Variants in FOXI2 observed in about 807,000 individuals in gnomAD.
FOXI2 encodes the protein forkhead box protein I2.
A neutral mutation model predicts 14.3 loss-of-function variants in FOXI2; 17 were observed. That is an observed-to-expected ratio of 1.19 (90% CI 0.81 to 1.78). The LOEUF (loss-of-function observed/expected upper bound fraction) is 1.78, where lower values mean the gene tolerates loss of function less well. Ranked by LOEUF, FOXI2 falls within the 40% of genes most tolerant of loss-of-function variation. The pLI, the probability that FOXI2 is intolerant of heterozygous loss-of-function variation, is 0.00. For synonymous variants in FOXI2, 240 were observed against 218.8 expected, an observed-to-expected ratio of 1.10 and a Z score of -0.85; for missense variants, 541 against 460.0, an observed-to-expected ratio of 1.18 and a Z score of -1.61.
At chr10:127,738,391 T>G in intron 1 of FOXI2, 129 bp from the exon 2 acceptor site, 1 of 676,946 alleles carries the variant, frequency 1.5e-6, no homozygotes, top group Non-Finnish European at 2.5e-6. Context: ...AAGGGTGGAA[T>G]GGGGGCGAGG....
intron 1 of FOXI2, 64 bp downstream of exon 1, chr10:127,737,848 C>G: frequency 1.3e-6 from 2 of 1,561,652 alleles, no homozygotes; most frequent in Non-Finnish European, 1.7e-6. Context: ...GCCGCGGGCA[C>G]TCCGGGGGTG....
rs1180563975 is a variant in FOXI2 at position 127,738,871 on chromosome 10, A to G, written c.863A>G (p.Asn288Ser). ...GCCACCCACGCTCCCCAGACCCTTA[A>G]CCCCTCCCCTGGCTTCGCCCCTGGC... ...TVATHAPQTL[N>S]PSPGFAPGHQ... The change falls in exon 2 of 2, where the codon AAC becomes AGC. Residue 288 changes from asparagine (N) to serine (S), a missense_variant. Coordinates refer to ENST00000388920, the MANE Select transcript of FOXI2 (RefSeq NM_207426.3). The G allele has an allele frequency of 1.9e-6, 3 of 1,606,358 alleles. No homozygotes were observed. Among genetic ancestry groups the G allele is most frequent in the Non-Finnish European group, 2.5e-6 (3 of 1,179,000 alleles).
chr10:127,737,253 C>T lies in FOXI2; in HGVS notation c.-21C>T. The T allele has an allele frequency of 6.8e-7, 1 of 1,470,950 alleles. No homozygotes were observed. Among genetic ancestry groups the T allele is most frequent in the Non-Finnish European group, 8.9e-7 (1 of 1,121,588 alleles). 91.1% of individuals were successfully genotyped at this position (1,470,950 alleles called of 1,614,324 possible). ...GAGTTTCGGTGCGGCACCGCTGGCC[C>T]AGGCCCGGGCGCGGCTGGACATGGC... On this transcript the variant is annotated 5_prime_UTR_variant, in exon 1 of 2. Transcript: ENST00000388920.
rs1564748179 is a variant in FOXI2, at chr10:127,737,623, GC to G, written c.351del (p.Ser117ArgfsTer7). 7.0e-6 allele frequency: 11 copies of G among 1,563,634 alleles called. No individual in the cohort carries two copies. Among genetic ancestry groups the G allele is most frequent in the Non-Finnish European group, 9.5e-6 (11 of 1,154,524 alleles). On this transcript the variant is annotated frameshift_variant, in exon 1 of 2. Transcript: ENST00000388920. LOFTEE classifies it high-confidence loss of function. ...GCGCTCATCGCCATGGCCATCCAGAGCGCGCCGCTGCGGAAGCTGACGCTCA... is the reference window on the plus strand; with the variant it reads ...GCGCTCATCGCCATGGCCATCCAGAGGCGCCGCTGCGGAAGCTGACGCTCA... ...YSALIAMAIQ[S>X]APLRKLTLSQ... is the part of the protein sequence containing the mutation.
chr10:127,739,893 C>CCA lies in FOXI2; in HGVS notation c.*932_*933dup, dbSNP rs1350251800. 1.5e-5 allele frequency: 1 copy of CCA among 67,798 alleles called. No homozygotes were observed. Among genetic ancestry groups the CCA allele is most frequent in the Admixed American group, 1.8e-4 (1 of 5,522 alleles). 4.2% of individuals were successfully genotyped at this position (67,798 alleles called of 1,614,324 possible). A position where few individuals can be genotyped will look rare whatever the true frequency, so the allele number is the denominator to read the frequency against. Reference sequence around the variant, plus strand: ...CCCACACTCACACCCACACCCACACCCACACTCACACACACTCACACCCAC... The same window carrying CCA: ...CCCACACTCACACCCACACCCACACCCACACACTCACACACACTCACACCCAC... On this transcript the variant is annotated 3_prime_UTR_variant, in exon 2 of 2. Coordinates refer to ENST00000388920, the MANE Select transcript of FOXI2 (RefSeq NM_207426.3).
Position 127,740,864 on chromosome 10 carries a change from A to T in FOXI2, c.*1899A>T, listed in dbSNP as rs1485551125. 1 of 131,790 alleles carries T rather than the reference A, an allele frequency of 7.6e-6. No individual in the cohort carries two copies. Among genetic ancestry groups the T allele is most frequent in the African/African-American group, 2.9e-5 (1 of 34,254 alleles). The allele number at this position is 131,790 out of a possible 1,614,324, so 8.2% of individuals were successfully genotyped here. The stretch of plus-strand genomic sequence containing the variant: ...GAAGGAAGGAGGCGGGGGAACATGG[A>T]GAGAAGGAGCCAGGAGTTGGGATAA... On this transcript the variant is annotated 3_prime_UTR_variant, in exon 2 of 2. Coordinates refer to ENST00000388920, the MANE Select transcript of FOXI2 (RefSeq NM_207426.3).
Position 127,738,680 on chromosome 10 carries a change from C to A in FOXI2, c.672C>A (p.Ser224Arg). ...AGGCGCCAGCGCTGGAGCCCCCGAG[C>A]GCGGCTTGCCTGGACCTGCAGGCCT... ...GAEAPALEPPSAACLDLQASP... is the reference protein window; with the variant it reads ...GAEAPALEPPRAACLDLQASP... Residue 224 changes from serine to arginine, a missense_variant, in exon 2 of 2, where the codon AGC becomes AGA. Transcript: ENST00000388920. 1 of 1,594,690 alleles carries A rather than the reference C, an allele frequency of 6.3e-7. No individual in the cohort carries two copies. The highest frequency in any genetic ancestry group is 8.5e-7 in the Non-Finnish European group (1 of 1,170,812).
chr10:127,737,389 C>T lies in FOXI2; in HGVS notation c.116C>T (p.Pro39Leu). ...GATCTGGGCGCGGTGGGCGGGGGCC[C>T]CCTCCTGTGGGTGAACGCGCCAGCG... Reference protein sequence around the residue: ...PGDLGAVGGGPLLWVNAPALS... With the variant: ...PGDLGAVGGGLLLWVNAPALS... Residue 39 changes from proline (P) to leucine (L), a missense_variant, in exon 1 of 2, where the codon CCC becomes CTC. Pro to Leu is a moderately conservative substitution (Grantham distance 98). Coordinates refer to ENST00000388920, the MANE Select transcript of FOXI2 (RefSeq NM_207426.3). The T allele has an allele frequency of 7.2e-7, 1 of 1,394,304 alleles. No individual in the cohort carries two copies. Among genetic ancestry groups the T allele is most frequent in the South Asian group, 1.6e-5 (1 of 62,148 alleles). 86.4% of individuals were successfully genotyped at this position (1,394,304 alleles called of 1,614,324 possible). A position where few individuals can be genotyped will look rare whatever the true frequency, so the allele number is the denominator to read the frequency against.
rs1211929991 is a variant in FOXI2 at position 127,737,887 on chromosome 10, C to T, written c.511+103C>T. Reference sequence around the variant, plus strand: ...GCACCTTAGACAACCTAATTTCTCCCTGCGCGGTTGGGGATACCCGGGGAG... The same window carrying T: ...GCACCTTAGACAACCTAATTTCTCCTTGCGCGGTTGGGGATACCCGGGGAG... On this transcript the variant is annotated intron_variant, in intron 1 of 1. Transcript: ENST00000388920. 13 of 1,501,392 alleles carry T rather than the reference C, an allele frequency of 8.7e-6. No homozygotes were observed. The East Asian group carries it at 2.0e-4, about 23-fold the overall frequency. The allele number at this position is 1,501,392 out of a possible 1,614,324, so 93.0% of individuals were successfully genotyped here.
Position 127,738,664 on chromosome 10 carries a change from C to G in FOXI2, c.656C>G (p.Ala219Gly). ...ARSVGGAEAPALEPPSAACLD... is the reference protein window; with the variant it reads ...ARSVGGAEAPGLEPPSAACLD... ...AGCGTGGGAGGGGCCGAGGCGCCAGCGCTGGAGCCCCCGAGCGCGGCTTGC... is the reference window on the plus strand; with the variant it reads ...AGCGTGGGAGGGGCCGAGGCGCCAGGGCTGGAGCCCCCGAGCGCGGCTTGC... The change falls in exon 2 of 2, where the codon GCG (alanine) becomes GGG (glycine). Residue 219 changes from alanine (A) to glycine (G), a missense_variant. Ala to Gly is a moderately conservative substitution (Grantham distance 60). Coordinates refer to ENST00000388920, the MANE Select transcript of FOXI2 (RefSeq NM_207426.3). 2 of 1,595,928 alleles carry G rather than the reference C, an allele frequency of 1.3e-6. No homozygotes were observed. Among genetic ancestry groups the G allele is most frequent in the South Asian group, 2.3e-5 (2 of 88,676 alleles).
rs575419289 is a variant in FOXI2 at position 127,738,801 on chromosome 10, G to A, written c.793G>A (p.Gly265Ser). 10 of 1,606,100 alleles carry A rather than the reference G, an allele frequency of 6.2e-6. No individual in the cohort carries two copies. In the East Asian group the frequency reaches 1.8e-4, roughly 29 times the overall value. Residue 265 changes from glycine (G) to serine (S), a missense_variant, in exon 2 of 2, where the codon GGC (glycine) becomes AGC (serine). Coordinates refer to ENST00000388920, the MANE Select transcript of FOXI2 (RefSeq NM_207426.3). The part of the protein sequence containing the change: ...LAGGLGTFPG[G>S]LAGDFSFGRR... ...TGGCGGCCTTGGCACCTTCCCCGGG[G>A]GCCTGGCGGGCGACTTTTCTTTCGG... is the stretch of plus-strand genomic sequence containing the variant.
In FOXI2 at chr10:127,737,656, T is replaced by C. The variant is rs1846436124; in HGVS notation, c.383T>C (p.Ile128Thr). ...APLRKLTLSQIYQYVAGNFPF... is the reference protein window; with the variant it reads ...APLRKLTLSQTYQYVAGNFPF... ...CTGCGGAAGCTGACGCTCAGCCAGATCTACCAGTACGTGGCTGGTAACTTC... is the reference window on the plus strand; with the variant it reads ...CTGCGGAAGCTGACGCTCAGCCAGACCTACCAGTACGTGGCTGGTAACTTC... Residue 128 changes from isoleucine (I) to threonine (T), a missense_variant, in exon 1 of 2, where the codon ATC (isoleucine) becomes ACC (threonine). Ile to Thr is a moderately conservative substitution (Grantham distance 89). Coordinates refer to ENST00000388920, the MANE Select transcript of FOXI2 (RefSeq NM_207426.3). 2 of 1,588,212 alleles carry C rather than the reference T, an allele frequency of 1.3e-6. No individual in the cohort carries two copies. Among genetic ancestry groups the C allele is most frequent in the Non-Finnish European group, 1.7e-6 (2 of 1,167,664 alleles).
Position 127,739,887 on chromosome 10 carries a change from CCACACCCACACTCACA to C in FOXI2, c.*928_*943del, listed in dbSNP as rs1846482292. ...CTCACACCCACACTCACACCCACAC[CCACACCCACACTCACA>C]CACACTCACACCCACACCCACACTC... On this transcript the variant is annotated 3_prime_UTR_variant, in exon 2 of 2. Coordinates refer to ENST00000388920, the MANE Select transcript of FOXI2 (RefSeq NM_207426.3). 4 of 83,540 alleles carry C rather than the reference CCACACCCACACTCACA, an allele frequency of 4.8e-5. 1 individual carries two copies. Among genetic ancestry groups the C allele is most frequent in the Non-Finnish European group, 7.1e-5 (3 of 42,380 alleles). 5.2% of individuals were successfully genotyped at this position (83,540 alleles called of 1,614,324 possible). A position where few individuals can be genotyped will look rare whatever the true frequency, so the allele number is the denominator to read the frequency against.
Position 127,737,448 on chromosome 10 carries a change from C to G in FOXI2, c.175C>G (p.Pro59Ala). The change falls in exon 1 of 2, where the codon CCT becomes GCT. Residue 59 changes from proline to alanine, a missense_variant. Coordinates refer to ENST00000388920, the MANE Select transcript of FOXI2 (RefSeq NM_207426.3). ...SPKSYASGPGPAPPYAAPSYG... is the reference protein window; with the variant it reads ...SPKSYASGPGAAPPYAAPSYG... ...CAAGTCCTACGCTTCGGGTCCCGGG[C>G]CTGCGCCGCCCTACGCGGCCCCGAG... 1 of 1,362,778 alleles carries G rather than the reference C, an allele frequency of 7.3e-7. No individual in the cohort carries two copies. The highest frequency in any genetic ancestry group is 9.4e-7 in the Non-Finnish European group (1 of 1,068,570). 84.4% of individuals were successfully genotyped at this position (1,362,778 alleles called of 1,614,324 possible).
At position 127,740,090 on chromosome 10, in the gene FOXI2, T is replaced by TCACACC. The variant is rs751770574; in HGVS notation, c.*1130_*1131insCCACAC. On this transcript the variant is annotated 3_prime_UTR_variant, in exon 2 of 2. Transcript: ENST00000388920. The stretch of plus-strand genomic sequence containing the variant: ...CTCATACTCACACTCACACCCACAC[T>TCACACC]CACACTCACACCCACACTCACACCA... 3,841 of 65,064 alleles carry TCACACC rather than the reference T, an allele frequency of 0.059. 253 individuals carry two copies. The highest frequency in any genetic ancestry group is 0.12 in the Middle Eastern group (11 of 90). 4.0% of individuals were successfully genotyped at this position (65,064 alleles called of 1,614,324 possible). A position where few individuals can be genotyped will look rare whatever the true frequency, so the allele number is the denominator to read the frequency against.
At position 127,739,952 on chromosome 10, in the gene FOXI2, CACACACCCACACTCAT is replaced by C. The variant is rs1846488606; in HGVS notation, c.*990_*1005del. On this transcript the variant is annotated 3_prime_UTR_variant, in exon 2 of 2. Coordinates refer to ENST00000388920, the MANE Select transcript of FOXI2 (RefSeq NM_207426.3). ...TCACACCCACACACACTCACACCCACACACACCCACACTCATACTCACACTCACACCCACACTCACA... is the reference window on the plus strand; with the variant it reads ...TCACACCCACACACACTCACACCCACACTCACACTCACACCCACACTCACA... 2.0e-5 allele frequency: 1 copy of C among 50,132 alleles called. No homozygotes were observed. Among genetic ancestry groups the C allele is most frequent in the Non-Finnish European group, 4.8e-5 (1 of 20,658 alleles). The allele number at this position is 50,132 out of a possible 1,614,324, so 3.1% of individuals were successfully genotyped here. A position where few individuals can be genotyped will look rare whatever the true frequency, so the allele number is the denominator to read the frequency against.
Position 127,738,791 on chromosome 10 carries a change from CT to C in FOXI2, c.785del (p.Phe262SerfsTer72). The C allele has an allele frequency of 6.2e-7, 1 of 1,606,638 alleles. No individual in the cohort carries two copies. Among genetic ancestry groups the C allele is most frequent in the Non-Finnish European group, 8.5e-7 (1 of 1,177,314 alleles). Reference protein sequence around the residue: ...MSALAGGLGTFPGGLAGDFSF... With the variant: ...MSALAGGLGTXPGGLAGDFSF... ...GCGCTCTGGCTGGCGGCCTTGGCAC[CT>C]TCCCCGGGGGCCTGGCGGGCGACTT... On this transcript the variant is annotated frameshift_variant, in exon 2 of 2. Coordinates refer to ENST00000388920, the MANE Select transcript of FOXI2 (RefSeq NM_207426.3). LOFTEE classifies it low-confidence loss of function (END_TRUNC).
Position 127,738,708 on chromosome 10 carries a change from C to T in FOXI2, c.700C>T (p.Pro234Ser). 1 of 1,597,426 alleles carries T rather than the reference C, an allele frequency of 6.3e-7. No homozygotes were observed. The highest frequency in any genetic ancestry group is 2.3e-5 in the East Asian group (1 of 43,814). Residue 234 changes from proline (P) to serine (S), a missense_variant, in exon 2 of 2, where the codon CCC becomes TCC. Pro to Ser is a moderately conservative substitution (Grantham distance 74). Coordinates refer to ENST00000388920, the MANE Select transcript of FOXI2 (RefSeq NM_207426.3). ...GGCTTGCCTGGACCTGCAGGCCTCGCCCTCTCCATCCGCACCCGAGGCCGC... is the reference window on the plus strand; with the variant it reads ...GGCTTGCCTGGACCTGCAGGCCTCGTCCTCTCCATCCGCACCCGAGGCCGC... ...SAACLDLQAS[P>S]SPSAPEAATC...
rs750279442 is a variant in FOXI2, at chr10:127,737,815, A to G, written c.511+31A>G. 5.0e-6 allele frequency: 8 copies of G among 1,589,330 alleles called. No individual in the cohort carries two copies. The Admixed American group carries it at 1.2e-4, about 25-fold the overall frequency. On this transcript the variant is annotated intron_variant, in intron 1 of 1. Coordinates refer to ENST00000388920, the MANE Select transcript of FOXI2 (RefSeq NM_207426.3). ...AGCGGCGCGCCGGCTCGCTCCGTCCAGGACTCCCCATCTTCCCGCCGGGCC... is the reference window on the plus strand; with the variant it reads ...AGCGGCGCGCCGGCTCGCTCCGTCCGGGACTCCCCATCTTCCCGCCGGGCC...
Sources: gnomAD v4.1 joint callset for allele counts on GRCh38, gnomAD v4.1.1 for gene constraint, MANE v1.5 for transcripts, NCBI Gene and HGNC (gene_info 2026-07-23, HGNC 2026-07-21) for gene names.